ARHGAP39: variants seen among roughly 807,000 people sequenced by gnomAD.
The protein encoded by ARHGAP39 is Rho GTPase activating protein 39.
Under a neutral mutation model 106.9 loss-of-function variants are expected in ARHGAP39, and 44 were observed. The observed-to-expected ratio is 0.41, with a 90% CI of 0.32 to 0.53. The LOEUF (loss-of-function observed/expected upper bound fraction) is 0.53. Among genes scored for constraint, ARHGAP39 ranks in the 20% least tolerant of loss-of-function variants. The pLI, the probability that ARHGAP39 is intolerant of heterozygous loss-of-function variation, is 0.21. For synonymous variants in ARHGAP39, 768 were observed against 693.2 expected (o/e 1.11, Z -1.69); for missense variants, 1,496 against 1,577.3 (o/e 0.95, Z 0.87).
intron 2 of ARHGAP39, among the ~76,000 whole-genome samples, chr8:144,596,094 A>G (rs1819610617): frequency 6.6e-6 from 1 of 152,170 alleles, no homozygotes; most frequent in South Asian, 2.1e-4. Flanking sequence ...CAAAGGAGAC[A>G]GAGGCCCCGC....
At chr8:144,631,998 T>C (rs1460340105) in intron 1 of ARHGAP39, among the ~76,000 whole-genome samples, 10 of 152,140 alleles carry the variant, frequency 6.6e-5, no homozygotes, top group Non-Finnish European at 1.5e-4. Context: ...GTGAAGCCAG[T>C]GCAACGTGCA....
chr8:144,699,138 A>G, the ARHGAP39 span: 2 of 297,122 alleles, frequency 6.7e-6, no homozygotes, highest in Non-Finnish European at 1.3e-5. Flanking sequence ...GGGGGTGGGG[A>G]CTGTAAGCCC....
At chr8:144,612,084 G>A (rs1394589118) in intron 1 of ARHGAP39, among the ~76,000 whole-genome samples, 1 of 152,216 alleles carries the variant, frequency 6.6e-6, no homozygotes, top group Non-Finnish European at 1.5e-5. Flanking sequence ...AGTGAGCCAC[G>A]GCTGCACCAC....
intron 1 of ARHGAP39, among the ~76,000 whole-genome samples, chr8:144,617,585 C>CAAA (rs869298361): frequency 1.5e-5 from 1 of 68,598 alleles, no homozygotes; most frequent in Non-Finnish European, 3.2e-5. Flanking sequence ...ACTGAAAAGA[C>CAAA]AAAAAAAAAA....
chr8:144,697,685 T>A, the ARHGAP39 span, among the ~76,000 whole-genome samples: 1 of 152,056 alleles, frequency 6.6e-6, no homozygotes, highest in Non-Finnish European at 1.5e-5. Context: ...AGAGACAGGG[T>A]TTCACCATGT....
Position 144,647,551 on chromosome 8 carries a change from G to A in ARHGAP39, c.-82+38135C>T, listed in dbSNP as rs1220873734. On this transcript the variant is annotated intron_variant, in intron 1 of 11. Transcript: ENST00000377307. The surrounding 1 kb of genome is among the most constrained non-coding windows in gnomAD (Gnocchi z 4.8). ...TGCCCTGTGCACTGCTGTCAGCCAC[G>A]CCTGAACAGAGACTCTCATTCTTCC... Among the ~76,000 whole-genome samples, 1 of 152,226 alleles carries A rather than the reference G, an allele frequency of 6.6e-6. No homozygotes were observed. The highest frequency in any genetic ancestry group is 2.4e-5 in the African/African-American group (1 of 41,464).
In ARHGAP39 at chr8:144,628,444, G is replaced by A. The variant is rs145566610; in HGVS notation, c.-81-22749C>T. 3.3e-3 allele frequency among the ~76,000 whole-genome samples: 497 copies of A among 152,264 alleles called. 2 individuals are homozygous for A. The highest frequency in any genetic ancestry group is 5.2e-3 in the Non-Finnish European group (351 of 68,030). ...AGGCAGCAGCACAGAGGGCATTCCG[G>A]AGTGGCATGCCAAGTCAAACGGCAA... On this transcript the variant is annotated intron_variant, in intron 1 of 11. Transcript: ENST00000377307.
At position 144,586,610 on chromosome 8, in the gene ARHGAP39, T is replaced by C. The variant is rs2130908444; in HGVS notation, c.81-5333A>G. 6.6e-6 allele frequency: 1 copy of C among 152,426 alleles called. No individual in the cohort carries two copies. Among genetic ancestry groups the C allele is most frequent in the East Asian group, 1.9e-4 (1 of 5,186 alleles). The allele number at this position is 152,426 out of a possible 1,614,324, so 9.4% of individuals were successfully genotyped here. A position where few individuals can be genotyped will look rare whatever the true frequency, so the allele number is the denominator to read the frequency against. On this transcript the variant is annotated intron_variant, in intron 2 of 11. Coordinates refer to ENST00000377307, the MANE Select transcript of ARHGAP39 (RefSeq NM_025251.3). This position sits in a 1 kb window ranked among gnomAD's most constrained non-coding sequence, Gnocchi z 4.2. ...CGGAGTGTGACTCCTTCACAGACACTGGGCTTCAATCTGGGGCAGTGGCCA... is the reference window on the plus strand; with the variant it reads ...CGGAGTGTGACTCCTTCACAGACACCGGGCTTCAATCTGGGGCAGTGGCCA...
chr8:144,665,334 G>A (rs1821936563), intron 1 of ARHGAP39, among the ~76,000 whole-genome samples: 1 of 152,218 alleles, frequency 6.6e-6, no homozygotes, highest in Non-Finnish European at 1.5e-5. Context: ...GCAGCCTGAT[G>A]ATGCAGTAGA....
At chr8:144,573,878 T>G (rs907933174) in intron 3 of ARHGAP39, among the ~76,000 whole-genome samples, 3 of 152,246 alleles carry the variant, frequency 2.0e-5, no homozygotes, top group Admixed American at 1.3e-4. Context: ...AGTCAAAGAA[T>G]AAATCATAAT....
intron 1 of ARHGAP39, among the ~76,000 whole-genome samples, chr8:144,657,910 A>C (rs1821735969): frequency 1.3e-5 from 2 of 152,146 alleles, no homozygotes; most frequent in Non-Finnish European, 2.9e-5. Flanking sequence ...GGTTGAACCA[A>C]CTGGGGATTG....
intron 2 of ARHGAP39, among the ~76,000 whole-genome samples, chr8:144,602,303 CTGTG>C (rs1307188019): frequency 5.3e-4 from 51 of 95,398 alleles, no homozygotes; most frequent in South Asian, 7.2e-4. Flanking sequence ...GCTCGTGTAC[CTGTG>C]TGTGTGCATG....
intron 3 of ARHGAP39, among the ~76,000 whole-genome samples, chr8:144,576,849 G>C (rs965921344): frequency 6.6e-6 from 1 of 152,156 alleles, no homozygotes; most frequent in African/African-American, 2.4e-5. Flanking sequence ...TCAAAATCTG[G>C]CTTCGACTTG....
chr8:144,607,271 C>T (rs1820328988), intron 1 of ARHGAP39, among the ~76,000 whole-genome samples: 1 of 144,256 alleles, frequency 6.9e-6, no homozygotes, highest in South Asian at 2.3e-4. Flanking sequence ...CCAGACACAA[C>T]TGAATGCACA....
intron 2 of ARHGAP39, among the ~76,000 whole-genome samples, chr8:144,595,539 T>C (rs1451482781): frequency 6.6e-6 from 1 of 152,046 alleles, no homozygotes; most frequent in Non-Finnish European, 1.5e-5. Flanking sequence ...CTTTGTGGCA[T>C]GTGAATTATA....
At chr8:144,640,799 C>T (rs776372499) in intron 1 of ARHGAP39, among the ~76,000 whole-genome samples, 7 of 152,158 alleles carry the variant, frequency 4.6e-5, no homozygotes, top group Non-Finnish European at 1.0e-4. Flanking sequence ...TCTGTTTTAA[C>T]CTCTCTAAAT....
At chr8:144,650,319 T>C (rs1350295439) in intron 1 of ARHGAP39, among the ~76,000 whole-genome samples, 1 of 152,092 alleles carries the variant, frequency 6.6e-6, no homozygotes. Flanking sequence ...TTCTACCCGA[T>C]GTACAAAGAA....
intron 7 of ARHGAP39, 114 bp from the exon 8 acceptor site, chr8:144,534,316 C>T: frequency 1.8e-6 from 2 of 1,110,912 alleles, no homozygotes; most frequent in Non-Finnish European, 2.7e-6. Context: ...CTGGCCTTGC[C>T]CCGGTCACCC....
intron 7 of ARHGAP39, among the ~76,000 whole-genome samples, chr8:144,534,602 G>C (rs1816879615): frequency 6.6e-6 from 1 of 152,212 alleles, no homozygotes; most frequent in Non-Finnish European, 1.5e-5. Flanking sequence ...TAGGCTGTGG[G>C]CAGGAGCCCC....
Sources: gnomAD v4.1 joint callset for allele counts (sites outside exome capture counted in the v4.1 genomes callset) on GRCh38, gnomAD v4.1.1 for gene constraint, Gnocchi (gnomAD v3.1) non-coding constraint, MANE v1.5 for transcripts, NCBI Gene and HGNC (gene_info 2026-07-23, HGNC 2026-07-21) for gene names.